Variants in RMDN2 observed in about 807,000 individuals in gnomAD.
RMDN2 encodes regulator of microtubule dynamics protein 2.
Under a neutral mutation model 52.8 loss-of-function variants are expected in RMDN2, and 61 were observed. The observed-to-expected ratio is 1.16, with a 90% CI of 0.94 to 1.43. RMDN2 has a LOEUF of 1.43. RMDN2 is among the 40% of genes most tolerant of loss of function. The pLI, the probability that RMDN2 is intolerant of heterozygous loss-of-function variation, is 0.00. For synonymous variants in RMDN2, 180 were observed against 153.1 expected, an observed-to-expected ratio of 1.18 and a Z score of -1.30; for missense variants, 592 against 475.3, an observed-to-expected ratio of 1.25 and a Z score of -2.28.
rs1033837296 is a variant in RMDN2, at chr2:38,003,840, A to G, written c.1045-151A>G. 1.4e-5 allele frequency: 9 copies of G among 655,100 alleles called. No individual in the cohort carries two copies. The Admixed American group carries it at 2.2e-4, about 16-fold the overall frequency. The allele number at this position is 655,100 out of a possible 1,614,324, so 40.6% of individuals were successfully genotyped here. A position where few individuals can be genotyped will look rare whatever the true frequency, so the allele number is the denominator to read the frequency against. On this transcript the variant is annotated intron_variant, in intron 8 of 10. Coordinates refer to ENST00000354545, the MANE Select transcript of RMDN2 (RefSeq NM_001170791.3). ...TTCCACCCAAAAGATACTTAAACTG[A>G]TCAAGTGATTCAAATGTGAAACAAC...
intron 2 of RMDN2, among the ~76,000 whole-genome samples, chr2:37,964,383 C>A (rs1270647199): frequency 6.6e-6 from 1 of 152,190 alleles, no homozygotes; most frequent in East Asian, 1.9e-4. Flanking sequence ...GTTATGTTTT[C>A]ATTTTCATTT....
At chr2:37,932,088 C>T (rs2124895724) in intron 2 of RMDN2, among the ~76,000 whole-genome samples, 1 of 151,684 alleles carries the variant, frequency 6.6e-6, no homozygotes, top group Non-Finnish European at 1.5e-5. Context: ...TTTAATTGAT[C>T]ATTCTTGGGT....
intron 10 of RMDN2, among the ~76,000 whole-genome samples, chr2:38,046,853 G>A (rs1681303565): frequency 6.6e-6 from 1 of 151,864 alleles, no homozygotes; most frequent in Non-Finnish European, 1.5e-5. Context: ...CCTAGTGGCG[G>A]GTGCCTGTAG....
At chr2:38,066,091 G>A (rs889560137) in intron 10 of RMDN2, among the ~76,000 whole-genome samples, 1 of 152,148 alleles carries the variant, frequency 6.6e-6, no homozygotes, top group Non-Finnish European at 1.5e-5. Context: ...TCATCTCCAG[G>A]GAAAATCTGG....
intron 10 of RMDN2, among the ~76,000 whole-genome samples, chr2:38,005,116 G>A (rs201704993): frequency 1.3e-5 from 2 of 152,076 alleles, no homozygotes; most frequent in African/African-American, 4.8e-5. Flanking sequence ...CATTTGGGTT[G>A]GTTCCAAGTC....
At chr2:37,958,965 G>A (rs1214032352) in intron 2 of RMDN2, among the ~76,000 whole-genome samples, 1 of 151,040 alleles carries the variant, frequency 6.6e-6, no homozygotes, top group East Asian at 1.9e-4. Context: ...TTATTGACTT[G>A]CATGTGTTGA....
intron 2 of RMDN2, among the ~76,000 whole-genome samples, chr2:37,930,887 C>T (rs989254908): frequency 1.3e-5 from 2 of 152,180 alleles, no homozygotes; most frequent in Non-Finnish European, 2.9e-5. Context: ...CTCCGCCTGA[C>T]ATGAGGACAA....
downstream of RMDN2, among the ~76,000 whole-genome samples, chr2:38,020,508 T>G (rs1454524055): frequency 6.6e-6 from 1 of 152,178 alleles, no homozygotes; most frequent in African/African-American, 2.4e-5. Flanking sequence ...CGGGGAGGTG[T>G]GCAGGGAGAG....
At chr2:37,971,713 A>T (rs1198421359) in intron 2 of RMDN2, among the ~76,000 whole-genome samples, 1 of 152,034 alleles carries the variant, frequency 6.6e-6, no homozygotes, top group Non-Finnish European at 1.5e-5. Flanking sequence ...TCACTCATCT[A>T]TTGCTGTACC....
At chr2:37,959,088 A>G (rs879281956) in intron 2 of RMDN2, among the ~76,000 whole-genome samples, 3 of 151,088 alleles carry the variant, frequency 2.0e-5, no homozygotes, top group Non-Finnish European at 4.4e-5. Context: ...ATCGATCTTC[A>G]TCAGGGATAT....
At chr2:38,045,567 A>G (rs1681221981) in intron 10 of RMDN2, among the ~76,000 whole-genome samples, 1 of 150,840 alleles carries the variant, frequency 6.6e-6, no homozygotes, top group Admixed American at 6.7e-5. Context: ...CCACCAAAAT[A>G]ATGATAAAGC....
At chr2:38,018,017 G>A (rs1008898995), downstream of RMDN2, among the ~76,000 whole-genome samples, 6 of 152,176 alleles carry the variant, frequency 3.9e-5, no homozygotes, top group African/African-American at 2.4e-5. Context: ...ACGAGATAAT[G>A]TCATCAGTTA....
chr2:38,027,618 C>T (rs1214097474), intron 10 of RMDN2, among the ~76,000 whole-genome samples: 3 of 152,126 alleles, frequency 2.0e-5, no homozygotes, highest in East Asian at 1.9e-4. Context: ...TTAAATTAGA[C>T]ATTGGTTAGA....
intron 2 of RMDN2, among the ~76,000 whole-genome samples, chr2:37,968,150 A>G (rs980221029): frequency 8.5e-5 from 13 of 152,200 alleles, no homozygotes; most frequent in African/African-American, 2.6e-4. Flanking sequence ...GCTAGGTGCA[A>G]TGGGTCAAGG....
chr2:38,024,428 T>G (rs1490260795), intron 10 of RMDN2, among the ~76,000 whole-genome samples: 4 of 152,184 alleles, frequency 2.6e-5, no homozygotes, highest in African/African-American at 9.6e-5. Context: ...TGCTTTACTT[T>G]CTTGACAACA....
In RMDN2 at chr2:37,932,816, C is replaced by T. The variant is rs1415668694; in HGVS notation, c.452+3087C>T. Among the ~76,000 whole-genome samples the T allele has an allele frequency of 4.2e-5, 5 of 117,954 alleles. 1 individual carries two copies. The highest frequency in any genetic ancestry group is 1.6e-4 in the African/African-American group (5 of 31,520). 77.4% of individuals were successfully genotyped at this position (117,954 alleles called of 152,430 possible). On this transcript the variant is annotated intron_variant, in intron 2 of 10. Coordinates refer to ENST00000354545, the MANE Select transcript of RMDN2 (RefSeq NM_001170791.3). ...ACGGGGCGGCTGGCTGGGCGGGGGG[C>T]TGACCCCCCGACCTCCCTCCCGGAC...
chr2:38,062,230 T>C (rs1682082484), intron 10 of RMDN2, among the ~76,000 whole-genome samples: 1 of 152,210 alleles, frequency 6.6e-6, no homozygotes, highest in South Asian at 2.1e-4. Flanking sequence ...TGTAGTACTC[T>C]CCCTCCCCTT....
chr2:38,006,828 A>G (rs1175856456), intron 10 of RMDN2, among the ~76,000 whole-genome samples: 1 of 152,182 alleles, frequency 6.6e-6, no homozygotes, highest in Non-Finnish European at 1.5e-5. Flanking sequence ...TCCGTACGAT[A>G]CTGGCTGTGG....
intron 2 of RMDN2, among the ~76,000 whole-genome samples, chr2:37,939,733 T>TTTGCCCAC (rs1411307342): frequency 1.4e-4 from 22 of 152,230 alleles, no homozygotes; most frequent in Admixed American, 6.5e-5. Flanking sequence ...TAGCTTTCCA[T>TTTGCCCAC]TTGCTTTGTA....
Sources: allele counts gnomAD v4.1 joint callset (sites outside exome capture counted in the v4.1 genomes callset), GRCh38; gene constraint gnomAD v4.1.1; transcripts MANE v1.5; gene names NCBI Gene and HGNC (gene_info 2026-07-23, HGNC 2026-07-21).